Variants in MGAT5 observed in about 807,000 individuals in gnomAD.
MGAT5 encodes alpha-1,6-mannosylglycoprotein 6-beta-N-acetylglucosaminyltransferase, also known as alpha-1,6-mannosylglycoprotein 6-beta-N-acetylglucosaminyltransferase A.
MGAT5 carries 30 observed loss-of-function variants against 94.3 expected under a neutral mutation model. That is an observed-to-expected ratio of 0.32 (90% CI 0.24 to 0.43). MGAT5 has a LOEUF of 0.43. MGAT5 is among the 20% of genes least tolerant of loss of function. The pLI is 1.00. For missense variants in MGAT5, 691 were observed against 905.5 expected, an observed-to-expected ratio of 0.76 and a Z score of 3.04; for synonymous variants, 310 against 322.9, an observed-to-expected ratio of 0.96 and a Z score of 0.43.
At chr2:134,447,029 G>A (rs1685822308) in intron 15 of MGAT5, among the ~76,000 whole-genome samples, 1 of 152,234 alleles carries the variant, frequency 6.6e-6, no homozygotes, top group African/African-American at 2.4e-5. Context: ...CAGGGCAGGA[G>A]TAGGAGAGAA....
At chr2:134,161,324 C>G (rs192891727) in intron 1 of MGAT5, among the ~76,000 whole-genome samples, 2 of 152,120 alleles carry the variant, frequency 1.3e-5, no homozygotes, top group African/African-American at 4.8e-5. Context: ...CTGGGTTGGG[C>G]CTGGGAGCAA....
intron 1 of MGAT5, among the ~76,000 whole-genome samples, chr2:134,225,899 T>C (rs1041187675): frequency 4.6e-5 from 7 of 152,256 alleles, no homozygotes; most frequent in Non-Finnish European, 8.8e-5. Flanking sequence ...CTTTATATGA[T>C]AAAGACAGTT....
At chr2:134,202,324 A>G (rs1679827535) in intron 1 of MGAT5, among the ~76,000 whole-genome samples, 1 of 152,234 alleles carries the variant, frequency 6.6e-6, no homozygotes, top group Non-Finnish European at 1.5e-5. Flanking sequence ...AATGGGGTTC[A>G]TGCCCTTATA....
At chr2:134,391,664 C>T (rs1484312150) in intron 10 of MGAT5, among the ~76,000 whole-genome samples, 1 of 152,174 alleles carries the variant, frequency 6.6e-6, no homozygotes, top group Non-Finnish European at 1.5e-5. Context: ...AGTACCATCA[C>T]AGGGGGGATA....
chr2:134,240,293 C>T (rs551345084), intron 1 of MGAT5, among the ~76,000 whole-genome samples: 8 of 151,710 alleles, frequency 5.3e-5, no homozygotes, highest in African/African-American at 1.9e-4. Flanking sequence ...TGATTCCCAT[C>T]TGGTGGCTCT....
At chr2:134,421,375 G>C (rs1171661243) in intron 12 of MGAT5, among the ~76,000 whole-genome samples, 1 of 152,140 alleles carries the variant, frequency 6.6e-6, no homozygotes, top group Non-Finnish European at 1.5e-5. Flanking sequence ...CTTGAGGCCA[G>C]GAGTTCGAGA....
At chr2:134,306,221 T>C (rs1686319343) in intron 2 of MGAT5, among the ~76,000 whole-genome samples, 1 of 152,162 alleles carries the variant, frequency 6.6e-6, no homozygotes, top group Non-Finnish European at 1.5e-5. Context: ...GAAGAAATGA[T>C]AGCAAAAATT....
intron 10 of MGAT5, among the ~76,000 whole-genome samples, chr2:134,383,722 T>C (rs1325087252): frequency 2.0e-5 from 3 of 152,120 alleles, no homozygotes; most frequent in Admixed American, 2.0e-4. Context: ...TTTTTTTTTT[T>C]TGAGACAGTC....
At chr2:134,370,987 G>A (rs1484964081) in intron 10 of MGAT5, among the ~76,000 whole-genome samples, 1 of 151,994 alleles carries the variant, frequency 6.6e-6, no homozygotes, top group Non-Finnish European at 1.5e-5. Context: ...CCCGGGGGTA[G>A]CCTTACCCGA....
intron 10 of MGAT5, among the ~76,000 whole-genome samples, chr2:134,387,539 G>A (rs1040721895): frequency 2.6e-5 from 4 of 151,470 alleles, no homozygotes; most frequent in African/African-American, 9.7e-5. Context: ...GGATTAGCTG[G>A]AATGAGGCAA....
intron 1 of MGAT5, among the ~76,000 whole-genome samples, chr2:134,240,374 C>CTTTTTT (rs1573592166): frequency 1.5e-5 from 2 of 130,950 alleles, no homozygotes; most frequent in East Asian, 2.4e-4. Flanking sequence ...TTTTTTTTTA[C>CTTTTTT]TATTTGTATG....
chr2:134,190,279 C>T (rs1558978608), intron 1 of MGAT5, among the ~76,000 whole-genome samples: 1 of 152,118 alleles, frequency 6.6e-6, no homozygotes, highest in Non-Finnish European at 1.5e-5. Context: ...TCCCTGCTAT[C>T]TCAGTTATTA....
chr2:134,407,533 A>G (rs1222311079), intron 11 of MGAT5, among the ~76,000 whole-genome samples: 2 of 152,204 alleles, frequency 1.3e-5, no homozygotes, highest in Non-Finnish European at 2.9e-5. Flanking sequence ...GCACAGAGAC[A>G]CTTGATTGCT....
intron 1 of MGAT5, among the ~76,000 whole-genome samples, chr2:134,172,686 A>T (rs1573790258): frequency 6.6e-6 from 1 of 152,118 alleles, no homozygotes; most frequent in East Asian, 1.9e-4. Flanking sequence ...ATGCCCAGCC[A>T]GTACTTCTTA....
chr2:134,274,941 C>G (rs1270620333), intron 2 of MGAT5, among the ~76,000 whole-genome samples: 1 of 152,134 alleles, frequency 6.6e-6, no homozygotes, highest in Non-Finnish European at 1.5e-5. Flanking sequence ...TTATTCTTAC[C>G]ATTTGAAAGT....
intron 10 of MGAT5, among the ~76,000 whole-genome samples, chr2:134,378,013 T>C (rs1681294177): frequency 6.6e-6 from 1 of 152,214 alleles, no homozygotes; most frequent in Non-Finnish European, 1.5e-5. Context: ...CGTTGTTTCC[T>C]GGCCTTGGCG....
At chr2:134,428,990 T>C (rs1320291854) in intron 14 of MGAT5, among the ~76,000 whole-genome samples, 1 of 152,218 alleles carries the variant, frequency 6.6e-6, no homozygotes, top group Non-Finnish European at 1.5e-5. Flanking sequence ...CATGTGCTCC[T>C]AGAAGTAAAG....
chr2:134,297,539 A>G (rs887202171), intron 2 of MGAT5, among the ~76,000 whole-genome samples: 11 of 152,228 alleles, frequency 7.2e-5, no homozygotes, highest in African/African-American at 2.4e-4. Context: ...GGTTATATAT[A>G]ATGAACAATT....
At chr2:134,408,177 G>A (rs533379511) in intron 11 of MGAT5, among the ~76,000 whole-genome samples, 1 of 152,252 alleles carries the variant, frequency 6.6e-6, no homozygotes, top group African/African-American at 2.4e-5. Context: ...GTGGAATTTG[G>A]GGGAGAGAGG....
Sources: allele counts gnomAD v4.1 joint callset (sites outside exome capture counted in the v4.1 genomes callset), GRCh38; gene constraint gnomAD v4.1.1; transcripts MANE v1.5; gene names NCBI Gene and HGNC (gene_info 2026-07-23, HGNC 2026-07-21).